Variants in ABCA12 observed in about 807,000 individuals in gnomAD.
ABCA12 encodes glucosylceramide transporter ABCA12.
ABCA12 carries 156 observed loss-of-function variants against 293.5 expected under a neutral mutation model. The ratio of observed to expected loss-of-function variants is 0.53; its 90% confidence interval spans 0.47 to 0.61. The LOEUF is 0.61. Among genes scored for constraint, ABCA12 ranks in the 20% least tolerant of loss-of-function variants. The pLI, the probability that ABCA12 is intolerant of heterozygous loss-of-function variation, is 0.00. For missense variants in ABCA12, 2,797 were observed against 3,090.2 expected (o/e 0.91, Z 2.25); for synonymous variants, 1,063 against 1,108.0 (o/e 0.96, Z 0.81).
intron 1 of ABCA12, among the ~76,000 whole-genome samples, chr2:215,120,260 G>C (rs1418830654): frequency 6.6e-6 from 1 of 152,064 alleles, no homozygotes; most frequent in Non-Finnish European, 1.5e-5. Flanking sequence ...AACAGACTCT[G>C]CAGAGTACTA....
Position 215,046,011 on chromosome 2 carries a change from G to C in ABCA12, c.698C>G (p.Ser233Cys), listed in dbSNP as rs1370536549. The C allele has an allele frequency of 6.2e-7, 1 of 1,613,116 alleles. No homozygotes were observed. The highest frequency in any genetic ancestry group is 8.5e-7 in the Non-Finnish European group (1 of 1,179,628). Residue 233 changes from serine (S) to cysteine (C), a missense_variant, in exon 7 of 53, where the codon TCC (serine) becomes TGC (cysteine). This residue lies in a region of ABCA12 where 656 missense variants were observed against 638.2 expected (regional missense o/e 1.03). Transcript: ENST00000272895. ...TATCTTCTGATTGTTGGGGTCACTG[G>C]ATAGCTTAAAATATAAAACCACAAA... is the stretch of plus-strand genomic sequence containing the variant. ...QELNKQFSQLSSDPNNQKIVF... is the reference protein window; with the variant it reads ...QELNKQFSQLCSDPNNQKIVF...
chr2:214,971,820 G>C (rs1184020794), intron 36 of ABCA12, among the ~76,000 whole-genome samples: 1 of 152,112 alleles, frequency 6.6e-6, no homozygotes, highest in African/African-American at 2.4e-5. Flanking sequence ...TTACCATTGG[G>C]ATATATTGCC....
chr2:214,963,287 C>T (rs981272240), intron 39 of ABCA12: 1 of 152,074 alleles, frequency 6.6e-6, no homozygotes, highest in African/African-American at 2.4e-5. Context: ...CTATGAACAC[C>T]TCTATGCAAA....
At chr2:214,977,820 C>G (rs997711439) in intron 33 of ABCA12, among the ~76,000 whole-genome samples, 8 of 151,780 alleles carry the variant, frequency 5.3e-5, no homozygotes, top group African/African-American at 1.7e-4. Flanking sequence ...CTCAGAGTCA[C>G]GTAGGTTAGA....
rs189182439 is a variant in ABCA12, at chr2:215,091,560, G to A, written c.163+20037C>T. Among the ~76,000 whole-genome samples the A allele has an allele frequency of 1.6e-4, 25 of 152,234 alleles. No individual in the cohort carries two copies. The East Asian group carries it at 4.3e-3, about 26-fold the overall frequency. On this transcript the variant is annotated intron_variant, in intron 2 of 52. Transcript: ENST00000272895. ...ACGCTTTACTGCCCTAGACCCAGAG[G>A]GGCCAGAAGGCCATCTTATTCTCAA...
intron 9 of ABCA12, among the ~76,000 whole-genome samples, chr2:215,027,355 GA>G (rs141112746): frequency 2.0e-5 from 3 of 151,394 alleles, no homozygotes; most frequent in African/African-American, 4.9e-5. Context: ...CAAAAAAAAA[GA>G]AAAAAAAGAA....
At position 214,978,853 on chromosome 2, in the gene ABCA12, C is replaced by A. The variant is rs776285022; in HGVS notation, c.4928G>T (p.Gly1643Val). The A allele has an allele frequency of 6.2e-7, 1 of 1,614,038 alleles. No individual in the cohort carries two copies. Among genetic ancestry groups the A allele is most frequent in the Non-Finnish European group, 8.5e-7 (1 of 1,179,968 alleles). The change falls in exon 32 of 53, where the codon GGT (glycine) becomes GTT (valine). Residue 1643 changes from glycine (G) to valine (V), a missense_variant. By Grantham distance (109) the Gly-to-Val change is moderately radical (BLOSUM62 -3). Around this residue, in one of 3 missense-constraint regions of ABCA12, gnomAD observed 2,130 missense variants for 2,427.0 expected, o/e 0.88. Coordinates refer to ENST00000272895, the MANE Select transcript of ABCA12 (RefSeq NM_173076.3). The stretch of plus-strand genomic sequence containing the variant: ...GCCGTAGCACCCGATGTTGAGGTCA[C>A]CCATGCCATTGTCGAGTGCCCGTAG... The part of the protein sequence containing the change: ...SLLRALDNGM[G>V]DLNIGCYGIS...
At chr2:214,973,236 G>T (rs1004645598) in intron 36 of ABCA12, among the ~76,000 whole-genome samples, 3 of 152,174 alleles carry the variant, frequency 2.0e-5, no homozygotes, top group Admixed American at 1.3e-4. Context: ...ATTCACTGAA[G>T]ATATTTTCAT....
intron 10 of ABCA12, among the ~76,000 whole-genome samples, chr2:215,026,497 T>G (rs1218239944): frequency 2.6e-5 from 4 of 152,206 alleles, no homozygotes; most frequent in African/African-American, 9.7e-5. Context: ...AGAAATGTCA[T>G]GAAGGGTCAT....
rs756844578 is a variant in ABCA12, at chr2:214,975,922, A to C, written c.5244T>G (p.Ile1748Met). 1.2e-6 allele frequency: 2 copies of C among 1,614,118 alleles called. No homozygotes were observed. The highest frequency in any genetic ancestry group is 3.3e-5 in the Admixed American group (2 of 60,016). ...HHTRRNWKGL[I>M]AQVILPIVFV... Reference sequence around the variant, plus strand: ...AGACGATGGGGAGGATAACCTGAGCAATGAGACCTTTCCAGTTCCTGCGGG... The same window carrying C: ...AGACGATGGGGAGGATAACCTGAGCCATGAGACCTTTCCAGTTCCTGCGGG... The change falls in exon 34 of 53, where the codon ATT becomes ATG. Residue 1748 changes from isoleucine (I) to methionine (M), a missense_variant. This residue lies in a region of ABCA12 where 2,130 missense variants were observed against 2,427.0 expected (regional missense o/e 0.88). Transcript: ENST00000272895.
In ABCA12 at chr2:214,986,099, C is replaced by A. The variant is rs180739175; in HGVS notation, c.4163+443G>T. Among the ~76,000 whole-genome samples, 92 of 152,224 alleles carry A rather than the reference C, an allele frequency of 6.0e-4. 1 individual carries two copies. The highest frequency in any genetic ancestry group is 2.1e-3 in the African/African-American group (86 of 41,550). The stretch of plus-strand genomic sequence containing the variant: ...TTATATCAGGATGCAAAATTTCATA[C>A]TTATATATATGCCAGGTTAGAAATG... On this transcript the variant is annotated intron_variant, in intron 28 of 52. Transcript: ENST00000272895.
At chr2:215,034,771 A>G (rs1254328132) in intron 8 of ABCA12, among the ~76,000 whole-genome samples, 2 of 152,216 alleles carry the variant, frequency 1.3e-5, no homozygotes, top group Non-Finnish European at 2.9e-5. Flanking sequence ...TCACAGAGTT[A>G]TTTAGATGAT....
intron 1 of ABCA12, among the ~76,000 whole-genome samples, chr2:215,120,648 T>A (rs184361105): frequency 6.6e-6 from 1 of 152,178 alleles, no homozygotes; most frequent in South Asian, 2.1e-4. Context: ...CCAGAATGAC[T>A]GGTACGTTGA....
intron 2 of ABCA12, 143 bp from the exon 3 acceptor site, chr2:215,064,362 ACACT>A: frequency 1.3e-6 from 1 of 786,060 alleles, no homozygotes; most frequent in Admixed American, 2.0e-5. Flanking sequence ...TCTGCAACTA[ACACT>A]CACCACTGAG....
At chr2:215,021,710 TG>T (rs1700634707) in intron 11 of ABCA12, among the ~76,000 whole-genome samples, 1 of 152,224 alleles carries the variant, frequency 6.6e-6, no homozygotes, top group Admixed American at 6.5e-5. Flanking sequence ...GGCAAATGTT[TG>T]GGAATATTTA....
chr2:214,991,923 C>A (rs189603530), intron 23 of ABCA12, among the ~76,000 whole-genome samples: 216 of 152,210 alleles, frequency 1.4e-3, no homozygotes, highest in African/African-American at 4.9e-3. Context: ...AGGAGAAATA[C>A]CTAATGTAGA....
chr2:214,954,441 C>T (rs1470516627), intron 43 of ABCA12, among the ~76,000 whole-genome samples: 1 of 152,022 alleles, frequency 6.6e-6, no homozygotes, highest in African/African-American at 2.4e-5. Flanking sequence ...CATTATGTGC[C>T]TGAGGGAGGG....
At chr2:215,042,746 G>A (rs1241894111) in intron 7 of ABCA12, among the ~76,000 whole-genome samples, 23 of 152,086 alleles carry the variant, frequency 1.5e-4, no homozygotes, top group Middle Eastern at 3.4e-3. Flanking sequence ...AATATACAAT[G>A]GATTACTATT....
intron 3 of ABCA12, among the ~76,000 whole-genome samples, chr2:215,059,540 T>C (rs544744339): frequency 2.6e-5 from 4 of 152,144 alleles, no homozygotes; most frequent in African/African-American, 9.6e-5. Flanking sequence ...AATGACTTAA[T>C]ATGTTACTGT....
Sources: allele counts gnomAD v4.1 joint callset (sites outside exome capture counted in the v4.1 genomes callset), GRCh38; gene constraint gnomAD v4.1.1; regional missense constraint gnomAD v4.1.1; transcripts MANE v1.5; gene names NCBI Gene and HGNC (gene_info 2026-07-23, HGNC 2026-07-21).